The following NEK7 variants were observed in gnomAD, a reference collection of about 807,000 sequenced individuals.
NEK7 encodes the protein serine/threonine-protein kinase Nek7.
NEK7 carries 18 observed loss-of-function variants against 44.6 expected under a neutral mutation model. The ratio of observed to expected loss-of-function variants is 0.40; its 90% CI spans 0.28 to 0.60. NEK7 has a LOEUF of 0.60. Ranked by LOEUF, NEK7 falls within the 20% of genes least tolerant of loss-of-function variation. The pLI is 0.38. For synonymous variants in NEK7, 130 were observed against 121.1 expected, an observed-to-expected ratio of 1.07 and a Z score of -0.48; for missense variants, 256 against 366.5, an observed-to-expected ratio of 0.70 and a Z score of 2.46.
chr1:198,271,498 A>G (rs1024849451), intron 5 of NEK7, among the ~76,000 whole-genome samples: 5 of 151,998 alleles, frequency 3.3e-5, no homozygotes, highest in South Asian at 4.1e-4. Context: ...CTGTTTTTAC[A>G]TTTGCAGACA....
At chr1:198,254,453 G>A (rs959684164) in intron 3 of NEK7, among the ~76,000 whole-genome samples, 6 of 151,750 alleles carry the variant, frequency 4.0e-5, no homozygotes, top group Admixed American at 2.0e-4. Context: ...TGTATTACAC[G>A]CACACACACT....
At chr1:198,198,523 A>G (rs1379475414) in intron 1 of NEK7, among the ~76,000 whole-genome samples, 1 of 152,136 alleles carries the variant, frequency 6.6e-6, no homozygotes, top group East Asian at 1.9e-4. Context: ...GTCGACCCAC[A>G]TGTCGCTATG....
intron 3 of NEK7, among the ~76,000 whole-genome samples, chr1:198,255,736 G>A (rs1041920928): frequency 1.3e-5 from 2 of 152,064 alleles, no homozygotes; most frequent in Non-Finnish European, 2.9e-5. Context: ...GCTTTAGTGT[G>A]GATATTGTGA....
chr1:198,162,662 G>C (rs765955835), intron 1 of NEK7, among the ~76,000 whole-genome samples: 2 of 152,088 alleles, frequency 1.3e-5, no homozygotes, highest in East Asian at 3.9e-4. Context: ...CACCCACTCT[G>C]CCTTGGCCCA....
In NEK7 at chr1:198,320,035, C is replaced by T. The variant is rs747880572; in HGVS notation, c.*513C>T. 1.3e-5 allele frequency: 2 copies of T among 152,074 alleles called. No individual in the cohort carries two copies. The highest frequency in any genetic ancestry group is 2.4e-5 in the African/African-American group (1 of 41,426). The allele number at this position is 152,074 out of a possible 1,614,324, so 9.4% of individuals were successfully genotyped here. Reference sequence around the variant, plus strand: ...AGCAGAGTAGTTTTCAAATATGATTCTTATGATAAATGTAGACACAAACTA... The same window carrying T: ...AGCAGAGTAGTTTTCAAATATGATTTTTATGATAAATGTAGACACAAACTA... On this transcript the variant is annotated 3_prime_UTR_variant, in exon 10 of 10. Transcript: ENST00000367385.
In NEK7 at chr1:198,278,877, C is replaced by T. The variant is rs527437713; in HGVS notation, c.482-77C>T. On this transcript the variant is annotated intron_variant, in intron 6 of 9. Coordinates refer to ENST00000367385, the MANE Select transcript of NEK7 (RefSeq NM_133494.3). ...TTAAAATAAATTTTAAATTCTGTCA[C>T]GAAAAGTAGTTGTTAATTCCTTTAA... 987 of 739,708 alleles carry T rather than the reference C, an allele frequency of 1.3e-3. 1 individual carries two copies. Among genetic ancestry groups the T allele is most frequent in the Non-Finnish European group, 2.0e-3 (887 of 434,488 alleles). The allele number at this position is 739,708 out of a possible 1,614,324, so 45.8% of individuals were successfully genotyped here. A position where few individuals can be genotyped will look rare whatever the true frequency, so the allele number is the denominator to read the frequency against.
At chr1:198,271,888 A>T (rs1007160002) in intron 5 of NEK7, among the ~76,000 whole-genome samples, 2 of 142,672 alleles carry the variant, frequency 1.4e-5, no homozygotes, top group African/African-American at 2.6e-5. Flanking sequence ...TATATATATA[A>T]ATTAAAAATT....
At chr1:198,228,991 T>C (rs933359065) in intron 1 of NEK7, among the ~76,000 whole-genome samples, 1 of 151,948 alleles carries the variant, frequency 6.6e-6, no homozygotes, top group Non-Finnish European at 1.5e-5. Flanking sequence ...TCAGTATGAT[T>C]GAAGGTCTTA....
Position 198,322,363 on chromosome 1 carries a change from A to T in NEK7, c.*2841A>T, listed in dbSNP as rs553934390. 7.2e-5 allele frequency: 11 copies of T among 152,278 alleles called. No homozygotes were observed. In the East Asian group the frequency reaches 1.7e-3, roughly 24 times the overall value. The allele number at this position is 152,278 out of a possible 1,614,324, so 9.4% of individuals were successfully genotyped here. On this transcript the variant is annotated 3_prime_UTR_variant, in exon 10 of 10. Transcript: ENST00000367385. ...AAAGATTTCTGTTATTAGCTTTGAA[A>T]ATTGTATAATATCCTAATATAAACA...
At chr1:198,296,692 C>T (rs7527036) in intron 8 of NEK7, among the ~76,000 whole-genome samples, 21,006 of 152,106 alleles carry the variant, frequency 0.14, 2,129 homozygotes, top group East Asian at 0.58. Flanking sequence ...GCTCTGCATT[C>T]TCTTCCCTAT....
intron 1 of NEK7, among the ~76,000 whole-genome samples, chr1:198,171,151 C>T (rs1222762454): frequency 2.0e-5 from 3 of 152,146 alleles, no homozygotes; most frequent in South Asian, 2.1e-4. Context: ...AGTGAGACTA[C>T]AGTGTACTTA....
chr1:198,236,387 GA>G (rs67002557), intron 2 of NEK7, among the ~76,000 whole-genome samples: 51,015 of 151,900 alleles, frequency 0.34, 9,789 homozygotes, highest in East Asian at 0.79. Flanking sequence ...GGTACAGAAA[GA>G]GCAGTAGCTT....
intron 9 of NEK7, among the ~76,000 whole-genome samples, chr1:198,310,984 G>A (rs1277147872): frequency 1.3e-5 from 2 of 148,984 alleles, no homozygotes; most frequent in Non-Finnish European, 3.0e-5. Context: ...GAAAGTCATT[G>A]GTAGCTTGAT....
intron 7 of NEK7, among the ~76,000 whole-genome samples, chr1:198,288,574 C>T (rs747344783): frequency 6.6e-6 from 1 of 152,178 alleles, no homozygotes; most frequent in African/African-American, 2.4e-5. Context: ...TCCAGGTCTA[C>T]AGCTTACCAG....
At chr1:198,301,279 T>TTG (rs1654873141) in intron 9 of NEK7, among the ~76,000 whole-genome samples, 1 of 152,178 alleles carries the variant, frequency 6.6e-6, no homozygotes, top group Non-Finnish European at 1.5e-5. Context: ...GGCCGGGCGC[T>TTG]GTGGCTCACG....
intron 1 of NEK7, among the ~76,000 whole-genome samples, chr1:198,158,199 A>C (rs1558034885): frequency 6.6e-6 from 1 of 152,204 alleles, no homozygotes; most frequent in Non-Finnish European, 1.5e-5. Flanking sequence ...GAAATGCTAA[A>C]AAATATACTT....
intron 7 of NEK7, among the ~76,000 whole-genome samples, chr1:198,285,944 C>T (rs1053213597): frequency 6.6e-6 from 1 of 152,044 alleles, no homozygotes; most frequent in Non-Finnish European, 1.5e-5. Context: ...AGGAAATTTA[C>T]ATCTTTCTAA....
At chr1:198,247,410 G>C (rs1666863006) in intron 2 of NEK7, among the ~76,000 whole-genome samples, 1 of 152,164 alleles carries the variant, frequency 6.6e-6, no homozygotes, top group Non-Finnish European at 1.5e-5. Context: ...GAATCAACTA[G>C]ACATTCACTT....
At chr1:198,213,321 G>T (rs184893941) in intron 1 of NEK7, among the ~76,000 whole-genome samples, 38 of 152,344 alleles carry the variant, frequency 2.5e-4, no homozygotes, top group African/African-American at 8.2e-4. Flanking sequence ...TTCAGCAGAG[G>T]CACAGATGCA....
Sources: gnomAD v4.1 joint callset for allele counts (sites outside exome capture counted in the v4.1 genomes callset) on GRCh38, gnomAD v4.1.1 for gene constraint, MANE v1.5 for transcripts, NCBI Gene and HGNC (gene_info 2026-07-23, HGNC 2026-07-21) for gene names.